The following CEP128 variants were observed in gnomAD, a reference collection of about 807,000 sequenced individuals.
CEP128 encodes centrosomal protein 128kDa.
A neutral mutation model predicts 156.7 loss-of-function variants in CEP128; 132 were observed. The observed-to-expected ratio is 0.84, with a 90% CI of 0.73 to 0.97. The LOEUF is 0.97. CEP128 is among the 50% of genes least tolerant of loss of function. CEP128 has a pLI of 0.00. For missense variants in CEP128, 1,252 were observed against 1,281.9 expected (o/e 0.98, Z 0.36); for synonymous variants, 469 against 448.9 (o/e 1.04, Z -0.57).
chr14:80,810,952 C>T (rs1884497962), intron 13 of CEP128, among the ~76,000 whole-genome samples: 2 of 152,102 alleles, frequency 1.3e-5, no homozygotes, highest in Non-Finnish European at 2.9e-5. Context: ...CTAATGCCCC[C>T]CACAGACCCC....
chr14:80,783,466 G>A (rs2139799432), intron 15 of CEP128, among the ~76,000 whole-genome samples: 1 of 152,304 alleles, frequency 6.6e-6, no homozygotes. Flanking sequence ...TGCAAGGTGA[G>A]GTGGGTATTA....
rs1899694897 is a variant in CEP128 at position 80,756,942 on chromosome 14, A to G, written c.2563T>C (p.Ser855Pro). Reference protein sequence around the residue: ...DSVEKLKVFSSGPDIHYDPHR... With the variant: ...DSVEKLKVFSPGPDIHYDPHR... ...GGGTCATAATGTATATCAGGACCAG[A>G]TGAAAAAACCTACAAAAGAGAAAAC... Residue 855 changes from serine to proline, a missense_variant, in exon 18 of 25, where the codon TCT becomes CCT. By Grantham distance (74) the Ser-to-Pro change is moderately conservative. Coordinates refer to ENST00000555265, the MANE Select transcript of CEP128 (RefSeq NM_152446.5). 1 of 1,596,324 alleles carries G rather than the reference A, an allele frequency of 6.3e-7. No homozygotes were observed. The highest frequency in any genetic ancestry group is 8.6e-7 in the Non-Finnish European group (1 of 1,166,710).
chr14:80,821,579 T>C (rs1430844555), intron 13 of CEP128, among the ~76,000 whole-genome samples: 4 of 147,784 alleles, frequency 2.7e-5, no homozygotes. Context: ...ACTGAAGTTA[T>C]ATGTCACACA....
rs773757510 is a variant in CEP128 at position 80,841,139 on chromosome 14, GTTTGC to G, written c.763-376_763-372del. ...CATTTCAAAAGTTAACTATAAAAGT[GTTTGC>G]TTTGGTTTGTTTCTATGTTAGAACA... On this transcript the variant is annotated intron_variant, in intron 9 of 24. Coordinates refer to ENST00000555265, the MANE Select transcript of CEP128 (RefSeq NM_152446.5). 1.2e-4 allele frequency among the ~76,000 whole-genome samples: 19 copies of G among 152,198 alleles called. No individual in the cohort carries two copies. The East Asian group carries it at 2.1e-3, about 17-fold the overall frequency.
In CEP128 at chr14:80,793,011, G is replaced by A. The variant is rs774821117; in HGVS notation, c.1309C>T (p.Arg437Cys). The A allele has an allele frequency of 3.7e-6, 6 of 1,614,142 alleles. No homozygotes were observed. Among genetic ancestry groups the A allele is most frequent in the Non-Finnish European group, 5.1e-6 (6 of 1,180,026 alleles). The stretch of plus-strand genomic sequence containing the variant: ...GAGATCTGAAGGTCAGCATGCTTAC[G>A]CTCGGCCTCACATGTGTCAAAGTGA... ...QNHFDTCEAERKHADLQISEL... is the reference protein window; with the variant it reads ...QNHFDTCEAECKHADLQISEL... The change falls in exon 14 of 25, where the codon CGT becomes TGT. Residue 437 changes from arginine to cysteine, a missense_variant. Physicochemically the swap from Arg to Cys is radical, Grantham distance 180. Transcript: ENST00000555265.
At chr14:80,646,500 T>C (rs1036216966) in intron 19 of CEP128, among the ~76,000 whole-genome samples, 2 of 151,950 alleles carry the variant, frequency 1.3e-5, no homozygotes, top group Non-Finnish European at 2.9e-5. Context: ...GGGCAAAACA[T>C]GCAGTTCTGA....
At position 80,785,214 on chromosome 14, in the gene CEP128, A is replaced by G. The variant is rs1901337982; in HGVS notation, c.1892T>C (p.Leu631Pro). 1 of 1,614,190 alleles carries G rather than the reference A, an allele frequency of 6.2e-7. No homozygotes were observed. The change falls in exon 15 of 25, where the codon CTT becomes CCT. Residue 631 changes from leucine (L) to proline (P), a missense_variant. Leu to Pro is a moderately conservative substitution (Grantham distance 98). Transcript: ENST00000555265. ...KSQAQDKAKL[L>P]EMQESIKDLS... ...GTCCTTGATGGACTCTTGCATCTCAAGAAGTTTAGCTTTGTCCTGGGCCTG... is the reference window on the plus strand; with the variant it reads ...GTCCTTGATGGACTCTTGCATCTCAGGAAGTTTAGCTTTGTCCTGGGCCTG...
At chr14:80,582,906 G>A (rs1891650912) in intron 19 of CEP128, among the ~76,000 whole-genome samples, 4 of 152,132 alleles carry the variant, frequency 2.6e-5, no homozygotes, top group African/African-American at 9.7e-5. Context: ...CAGTGTAACT[G>A]GAGTGATACA....
chr14:80,796,630 C>T (rs1410765585), intron 13 of CEP128, among the ~76,000 whole-genome samples: 2 of 152,162 alleles, frequency 1.3e-5, no homozygotes, highest in Non-Finnish European at 2.9e-5. Flanking sequence ...GTCTCTCCTA[C>T]CATTTAGCCT....
intron 9 of CEP128, among the ~76,000 whole-genome samples, chr14:80,856,939 G>A (rs2140138783): frequency 6.6e-6 from 1 of 151,014 alleles, no homozygotes; most frequent in Admixed American, 6.6e-5. Flanking sequence ...GTAGAGACGG[G>A]GTTTCACCAT....
chr14:80,833,965 C>T (rs1282640435), intron 12 of CEP128, among the ~76,000 whole-genome samples: 1 of 152,096 alleles, frequency 6.6e-6, no homozygotes, highest in Admixed American at 6.6e-5. Context: ...GAAAGAAAAA[C>T]ATGTTTTGAG....
At chr14:80,491,873 A>C (rs1044004387), downstream of CEP128, among the ~76,000 whole-genome samples, 1 of 152,188 alleles carries the variant, frequency 6.6e-6, no homozygotes, top group Non-Finnish European at 1.5e-5. Context: ...TCCTTCCAGT[A>C]AACAGTTTAA....
chr14:80,642,134 C>G (rs1013630786), intron 19 of CEP128, among the ~76,000 whole-genome samples: 4 of 148,586 alleles, frequency 2.7e-5, no homozygotes, highest in Non-Finnish European at 6.0e-5. Context: ...TAAACATAAG[C>G]TACAAACTGC....
chr14:80,919,575 A>G (rs1884739057), intron 2 of CEP128, among the ~76,000 whole-genome samples: 1 of 152,184 alleles, frequency 6.6e-6, no homozygotes, highest in Non-Finnish European at 1.5e-5. Context: ...TACTGTTCCC[A>G]TAGGCATGGG....
chr14:80,908,151 A>G (rs1188919488), intron 4 of CEP128, among the ~76,000 whole-genome samples: 1 of 151,892 alleles, frequency 6.6e-6, no homozygotes, highest in Non-Finnish European at 1.5e-5. Flanking sequence ...ATTATGTATC[A>G]TTATGTACAG....
At chr14:80,726,844 T>C (rs911927103) in intron 19 of CEP128, among the ~76,000 whole-genome samples, 3 of 152,176 alleles carry the variant, frequency 2.0e-5, no homozygotes, top group African/African-American at 7.2e-5. Context: ...TTATTAATAT[T>C]TTACAAAATA....
At chr14:80,615,676 C>G (rs1269981465) in intron 19 of CEP128, among the ~76,000 whole-genome samples, 1 of 152,124 alleles carries the variant, frequency 6.6e-6, no homozygotes, top group Admixed American at 6.5e-5. Context: ...TAATGAAACC[C>G]CATCTCTACT....
chr14:80,665,273 A>G (rs1204725780), intron 19 of CEP128, among the ~76,000 whole-genome samples: 3 of 152,220 alleles, frequency 2.0e-5, no homozygotes, highest in Non-Finnish European at 2.9e-5. Context: ...GATAGCACCA[A>G]TAGTCAAAAC....
intron 19 of CEP128, among the ~76,000 whole-genome samples, chr14:80,647,193 C>T (rs904813504): frequency 3.3e-5 from 5 of 150,190 alleles, no homozygotes; most frequent in East Asian, 2.0e-4. Flanking sequence ...ATGCTTATGT[C>T]GCCACCTCTT....
Sources: gnomAD v4.1 joint callset for allele counts (sites outside exome capture counted in the v4.1 genomes callset) on GRCh38, gnomAD v4.1.1 for gene constraint, MANE v1.5 for transcripts, NCBI Gene and HGNC (gene_info 2026-07-23, HGNC 2026-07-21) for gene names.